Variants in OR2L13 observed in about 807,000 individuals in gnomAD.
OR2L13 encodes olfactory receptor family 2 subfamily L member 13, also known as olfactory receptor 2L13.
In OR2L13, 14 loss-of-function variants were observed where a neutral mutation model predicts 15.3. The ratio of observed to expected loss-of-function variants is 0.91; its 90% CI spans 0.60 to 1.43. The LOEUF (loss-of-function observed/expected upper bound fraction) is 1.43. OR2L13 is among the 40% of genes most tolerant of loss of function. The probability of loss-of-function intolerance (pLI) is 0.00; values close to 1 mark genes in which losing one functional copy is unlikely to be tolerated. For missense variants in OR2L13, 367 were observed against 387.9 expected (o/e 0.95, Z 0.45); for synonymous variants, 152 against 142.9 (o/e 1.06, Z -0.45).
At chr1:248,089,476 G>A in the OR2L13 span, among the ~76,000 whole-genome samples, 1 of 152,132 alleles carries the variant, frequency 6.6e-6, no homozygotes, top group Admixed American at 6.5e-5. Flanking sequence ...CCCTCTTAGT[G>A]ACCTGTAAGT....
At chr1:248,047,039 A>G in the OR2L13 span, among the ~76,000 whole-genome samples, 93 of 152,338 alleles carry the variant, frequency 6.1e-4, 2 homozygotes, top group East Asian at 0.018. Flanking sequence ...ATCTTGGAGT[A>G]TGAAATGCAC....
chr1:248,001,886 C>T, the OR2L13 span, among the ~76,000 whole-genome samples: 8,532 of 152,090 alleles, frequency 0.056, 737 homozygotes, highest in African/African-American at 0.19. Context: ...TAATGTAAAC[C>T]ATATCTTGGA....
the OR2L13 span, among the ~76,000 whole-genome samples, chr1:248,051,772 T>A: frequency 6.6e-6 from 1 of 152,004 alleles, no homozygotes; most frequent in Non-Finnish European, 1.5e-5. Context: ...GCTTTTATTT[T>A]ATTTATTTAT....
At chr1:248,012,791 G>A in the OR2L13 span, among the ~76,000 whole-genome samples, 2 of 151,792 alleles carry the variant, frequency 1.3e-5, no homozygotes. Flanking sequence ...CAATAACAAT[G>A]TATCAATTAA....
At chr1:248,090,431 T>G (rs1572737272), upstream of OR2L13, among the ~76,000 whole-genome samples, 1 of 152,210 alleles carries the variant, frequency 6.6e-6, no homozygotes, top group African/African-American at 2.4e-5. Context: ...TGGTTTCTCA[T>G]TGTCTCTCAC....
chr1:247,958,091 T>A, the OR2L13 span, among the ~76,000 whole-genome samples: 2 of 152,212 alleles, frequency 1.3e-5, no homozygotes, highest in African/African-American at 2.4e-5. Context: ...TGCTATTAAT[T>A]TCCCTCTACA....
chr1:247,977,089 C>G, the OR2L13 span, among the ~76,000 whole-genome samples: 12 of 152,188 alleles, frequency 7.9e-5, no homozygotes, highest in Non-Finnish European at 1.8e-4. Context: ...TTGTAATAAT[C>G]TCTTTTCTCT....
chr1:247,943,954 G>T, the OR2L13 span, among the ~76,000 whole-genome samples: 1 of 151,958 alleles, frequency 6.6e-6, no homozygotes, highest in Non-Finnish European at 1.5e-5. Flanking sequence ...CCTTCTCCAC[G>T]AGTGGACTTA....
chr1:247,994,493 C>A, the OR2L13 span, among the ~76,000 whole-genome samples: 8 of 152,130 alleles, frequency 5.3e-5, no homozygotes, highest in African/African-American at 1.9e-4. Context: ...GTCCTTCAAT[C>A]CAGACTGGCT....
the OR2L13 span, among the ~76,000 whole-genome samples, chr1:247,972,632 A>AAAC: frequency 9.3e-5 from 1 of 10,772 alleles, no homozygotes; most frequent in Non-Finnish European, 3.1e-3. Context: ...AATAGCCTAC[A>AAAC]AAAACAAAAC....
At chr1:248,078,335 G>A in the OR2L13 span, among the ~76,000 whole-genome samples, 1 of 151,958 alleles carries the variant, frequency 6.6e-6, no homozygotes, top group Non-Finnish European at 1.5e-5. Context: ...ACAAAAATTA[G>A]CTGGGCGTGG....
chr1:247,999,656 C>T, the OR2L13 span, among the ~76,000 whole-genome samples: 4 of 152,102 alleles, frequency 2.6e-5, no homozygotes, highest in African/African-American at 9.7e-5. Context: ...GGATTCCATG[C>T]CAGGATGCTG....
At chr1:248,038,065 T>C in the OR2L13 span, 1 of 461,856 alleles carries the variant, frequency 2.2e-6, no homozygotes, top group Non-Finnish European at 3.8e-6. Flanking sequence ...TTATTTTTGT[T>C]AATCTCTTCC....
chr1:247,939,549 C>CGTTGGCACTGACAGT, the OR2L13 span: 1 of 152,162 alleles, frequency 6.6e-6, no homozygotes, highest in African/African-American at 2.4e-5. Flanking sequence ...TCGTCTACAG[C>CGTTGGCACTGACAGT]GTTGGCACTG....
chr1:248,075,815 T>C, the OR2L13 span, among the ~76,000 whole-genome samples: 347 of 152,282 alleles, frequency 2.3e-3, 3 homozygotes, highest in Non-Finnish European at 2.0e-3. Context: ...CCTGTTCACT[T>C]TGATGGTGGT....
the OR2L13 span, among the ~76,000 whole-genome samples, chr1:247,965,028 A>G: frequency 6.7e-6 from 1 of 150,270 alleles, no homozygotes; most frequent in Non-Finnish European, 1.5e-5. Flanking sequence ...ACATTTACAT[A>G]TATTTCTATT....
At chr1:248,004,439 A>G in the OR2L13 span, among the ~76,000 whole-genome samples, 1 of 152,188 alleles carries the variant, frequency 6.6e-6, no homozygotes, top group South Asian at 2.1e-4. Flanking sequence ...ATTTTTGTTT[A>G]TGTCTAAAAC....
At chr1:247,981,295 G>A in the OR2L13 span, among the ~76,000 whole-genome samples, 5,962 of 152,020 alleles carry the variant, frequency 0.039, 354 homozygotes, top group African/African-American at 0.13. Context: ...TTGTTTTTGC[G>A]TAAAAATATT....
the OR2L13 span, among the ~76,000 whole-genome samples, chr1:248,028,911 C>G: frequency 1.3e-5 from 2 of 152,308 alleles, no homozygotes; most frequent in Admixed American, 1.3e-4. Context: ...ACTGTGAAAA[C>G]AGTACCGTGG....
Sources: gnomAD v4.1 joint callset for allele counts (sites outside exome capture counted in the v4.1 genomes callset) on GRCh38, gnomAD v4.1.1 for gene constraint, MANE v1.5 for transcripts, NCBI Gene and HGNC (gene_info 2026-07-23, HGNC 2026-07-21) for gene names.